DAB1: variants seen among roughly 807,000 people sequenced by gnomAD.
DAB1 encodes disabled homolog 1.
In DAB1, 15 loss-of-function variants were observed where a neutral mutation model predicts 64.6. The ratio of observed to expected loss-of-function variants is 0.23; its 90% CI spans 0.16 to 0.36. The LOEUF is 0.36. Ranked by LOEUF, DAB1 falls within the 10% of genes least tolerant of loss-of-function variation. The pLI is 1.00. For synonymous variants in DAB1, 235 were observed against 251.9 expected, an observed-to-expected ratio of 0.93 and a Z score of 0.64; for missense variants, 596 against 706.7, an observed-to-expected ratio of 0.84 and a Z score of 1.78.
intron 4 of DAB1, among the ~76,000 whole-genome samples, chr1:58,206,623 C>T (rs1467635794): frequency 1.3e-5 from 2 of 152,188 alleles, no homozygotes; most frequent in East Asian, 1.9e-4. Flanking sequence ...TTCTAGACAA[C>T]ATACCTTCCC....
At chr1:57,202,145 T>A (rs1665154203) in intron 2 of DAB1, among the ~76,000 whole-genome samples, 1 of 152,218 alleles carries the variant, frequency 6.6e-6, no homozygotes, top group African/African-American at 2.4e-5. Context: ...GGCAGCCCTC[T>A]ACCTCATCCT....
intron 7 of DAB1, among the ~76,000 whole-genome samples, chr1:57,522,402 A>T (rs1304755066): frequency 6.6e-6 from 1 of 152,190 alleles, no homozygotes; most frequent in Non-Finnish European, 1.5e-5. Context: ...GAAATAGAAG[A>T]GTTAAGTGAA....
intron 1 of DAB1, among the ~76,000 whole-genome samples, chr1:57,411,123 C>A (rs750897168): frequency 6.6e-6 from 1 of 152,168 alleles, no homozygotes; most frequent in Non-Finnish European, 1.5e-5. Flanking sequence ...CACCAAATAT[C>A]TCTCTCCCAT....
chr1:58,387,675 T>G (rs1286544218), intron 3 of DAB1, among the ~76,000 whole-genome samples: 3 of 151,908 alleles, frequency 2.0e-5, no homozygotes, highest in Non-Finnish European at 4.4e-5. Context: ...TCTTTCCTGG[T>G]TATTTGACGA....
At chr1:58,482,490 A>G (rs1645504627) in intron 3 of DAB1, among the ~76,000 whole-genome samples, 1 of 152,174 alleles carries the variant, frequency 6.6e-6, no homozygotes, top group African/African-American at 2.4e-5. Context: ...AATGGTCTTA[A>G]TATTTAGGAG....
At chr1:57,133,508 A>G (rs1230314605) in intron 4 of DAB1, among the ~76,000 whole-genome samples, 2 of 152,162 alleles carry the variant, frequency 1.3e-5, no homozygotes, top group African/African-American at 4.8e-5. Context: ...ATGATATATT[A>G]GCAATATCTA....
intron 4 of DAB1, among the ~76,000 whole-genome samples, chr1:57,132,823 G>C (rs899245761): frequency 6.6e-6 from 1 of 152,054 alleles, no homozygotes; most frequent in Non-Finnish European, 1.5e-5. Flanking sequence ...ACTCAGGAAA[G>C]CTCATCAGAA....
At chr1:58,122,086 C>G (rs1051772852) in intron 5 of DAB1, among the ~76,000 whole-genome samples, 2 of 152,130 alleles carry the variant, frequency 1.3e-5, no homozygotes, top group African/African-American at 2.4e-5. Context: ...TGCTCTGAGG[C>G]CTGGGATCCT....
At position 58,237,844 on chromosome 1, in the gene DAB1, C is replaced by G. The variant is rs149066961; in HGVS notation, n.310-87256G>C. Among the ~76,000 whole-genome samples, 9 of 152,236 alleles carry G rather than the reference C, an allele frequency of 5.9e-5. No homozygotes were observed. The East Asian group carries it at 1.7e-3, about 29-fold the overall frequency. On this transcript the variant is annotated intron_variant and non_coding_transcript_variant, in intron 4 of 20. Coordinates refer to the DAB1 transcript ENST00000485760. ...CCAGAAAGTAGACTGGTGATCATTA[C>G]CATATATTGAGCACATGAGATAATC... is the stretch of plus-strand genomic sequence containing the variant.
At chr1:57,744,152 G>T (rs1310402125) in intron 6 of DAB1, among the ~76,000 whole-genome samples, 4 of 152,172 alleles carry the variant, frequency 2.6e-5, no homozygotes, top group Non-Finnish European at 4.4e-5. Context: ...ATTTTGGGGG[G>T]CTTGCTCCCA....
At chr1:57,087,680 C>G (rs1570667413) in intron 4 of DAB1, among the ~76,000 whole-genome samples, 1 of 152,198 alleles carries the variant, frequency 6.6e-6, no homozygotes, top group South Asian at 2.1e-4. Context: ...GGTTGAGCCA[C>G]TGAAGGACTG....
upstream of DAB1, among the ~76,000 whole-genome samples, chr1:57,885,790 G>A (rs950335213): frequency 6.6e-6 from 1 of 151,964 alleles, no homozygotes; most frequent in African/African-American, 2.4e-5. Flanking sequence ...TACTCTTGCT[G>A]GATTACCTGA....
chr1:57,924,299 A>G (rs1268246734), intron 5 of DAB1, among the ~76,000 whole-genome samples: 1 of 152,238 alleles, frequency 6.6e-6, no homozygotes, highest in East Asian at 1.9e-4. Context: ...TTAACTACCC[A>G]GTAAGAATGA....
intron 5 of DAB1, among the ~76,000 whole-genome samples, chr1:57,936,908 G>T (rs1645034345): frequency 1.3e-5 from 2 of 152,044 alleles, no homozygotes; most frequent in South Asian, 4.1e-4. Flanking sequence ...AGGAGTCTTT[G>T]CTCCAGCCAC....
chr1:57,791,180 A>G (rs1476319658), intron 6 of DAB1, among the ~76,000 whole-genome samples: 1 of 152,186 alleles, frequency 6.6e-6, no homozygotes, highest in Non-Finnish European at 1.5e-5. Context: ...TTACAAAGAA[A>G]TATGACACAA....
intron 6 of DAB1, among the ~76,000 whole-genome samples, chr1:57,686,925 C>T (rs1221627027): frequency 6.6e-6 from 1 of 152,106 alleles, no homozygotes; most frequent in African/African-American, 2.4e-5. Context: ...ATGACAAACC[C>T]ACAGCCAACA....
chr1:58,189,688 T>C (rs916224672), intron 4 of DAB1, among the ~76,000 whole-genome samples: 2 of 152,244 alleles, frequency 1.3e-5, no homozygotes, highest in African/African-American at 2.4e-5. Flanking sequence ...CTCTTGTCCT[T>C]ACTACCCTGG....
intron 9 of DAB1, among the ~76,000 whole-genome samples, chr1:57,038,472 CG>C (rs1464557552): frequency 6.6e-6 from 1 of 152,136 alleles, no homozygotes; most frequent in Non-Finnish European, 1.5e-5. Context: ...ATTTGGGGAT[CG>C]GTGGTCTTGC....
chr1:57,305,006 A>G (rs189654012), intron 1 of DAB1, among the ~76,000 whole-genome samples: 1 of 152,342 alleles, frequency 6.6e-6, no homozygotes, highest in Non-Finnish European at 1.5e-5. Context: ...TGGTTATCCA[A>G]TAACACACTT....
Sources: gnomAD v4.1 joint callset for allele counts (sites outside exome capture counted in the v4.1 genomes callset) on GRCh38, gnomAD v4.1.1 for gene constraint, MANE v1.5 for transcripts, NCBI Gene and HGNC (gene_info 2026-07-23, HGNC 2026-07-21) for gene names.